The following TEX10 variants were observed in gnomAD, a reference collection of about 807,000 sequenced individuals.
TEX10 encodes the protein testis expressed 10, also known as testis-expressed protein 10.
A neutral mutation model predicts 104.4 loss-of-function variants in TEX10; 24 were observed. That is an observed-to-expected ratio of 0.23 (90% CI 0.17 to 0.32). TEX10 has a LOEUF of 0.32. TEX10 is among the 10% of genes least tolerant of loss of function. TEX10 has a pLI of 1.00. For synonymous variants in TEX10, 396 were observed against 393.4 expected (o/e 1.01, Z -0.08); for missense variants, 921 against 1,083.9 (o/e 0.85, Z 2.11).
chr9:100,303,060 T>G (rs888923781), intron 14 of TEX10, among the ~76,000 whole-genome samples: 8 of 152,162 alleles, frequency 5.3e-5, no homozygotes, highest in African/African-American at 1.4e-4. Context: ...TTTCTTACTT[T>G]AGAGTGAACT....
chr9:100,334,004 A>C (rs1834942096), intron 5 of TEX10, among the ~76,000 whole-genome samples: 1 of 152,206 alleles, frequency 6.6e-6, no homozygotes, highest in Non-Finnish European at 1.5e-5. Flanking sequence ...GAAGAGATAA[A>C]AGATTAAAAA....
intron 5 of TEX10, among the ~76,000 whole-genome samples, chr9:100,332,876 T>G (rs1181030929): frequency 6.6e-6 from 1 of 151,548 alleles, no homozygotes; most frequent in East Asian, 1.9e-4. Flanking sequence ...GCACTCAAGG[T>G]TTAGTCCTGA....
At position 100,321,684 on chromosome 9, in the gene TEX10, T is replaced by C; in HGVS notation, c.2067A>G (p.Thr689=). The change falls in exon 10 of 15, where the codon ACA becomes ACG. Residue 689 remains threonine (T), a splice_region_variant and synonymous_variant. Transcript: ENST00000374902. ...DYFSFLFSTL[T]GFSKEELTWL... ...AATCTGGCAAGTGAATGTGGTTACC[T>C]GTAAGTGTGGAAAATAAGAAGCTGA... 8 of 1,610,216 alleles carry C rather than the reference T, an allele frequency of 5.0e-6. No homozygotes were observed. Among genetic ancestry groups the C allele is most frequent in the South Asian group, 1.1e-5 (1 of 90,900 alleles).
At chr9:100,333,636 T>TA (rs60509628) in intron 5 of TEX10, among the ~76,000 whole-genome samples, 1,786 of 109,714 alleles carry the variant, frequency 0.016, 16 homozygotes, top group Non-Finnish European at 0.022. Flanking sequence ...GACCCCATCA[T>TA]AAAAAAAAAA....
intron 5 of TEX10, among the ~76,000 whole-genome samples, chr9:100,338,284 GTT>G (rs1405643285): frequency 6.6e-6 from 1 of 152,208 alleles, no homozygotes; most frequent in East Asian, 1.9e-4. Context: ...CCAGTTTGTA[GTT>G]TTTCTGACAC....
At chr9:100,325,051 T>C (rs1358159470) in intron 9 of TEX10, among the ~76,000 whole-genome samples, 2 of 152,230 alleles carry the variant, frequency 1.3e-5, no homozygotes, top group Non-Finnish European at 2.9e-5. Flanking sequence ...TTTATTTATA[T>C]GTTTTTCTCT....
In TEX10 at chr9:100,352,797, GAGAAGCCCGAGAAGACAAGCGAGGGAGC is replaced by G; in HGVS notation, c.-63_-36del. ...CTGAGGACCCGGCCGCGGCCGGGGC[GAGAAGCCCGAGAAGACAAGCGAGGGAGC>G]AGAAGCCCACGGGGCAACAGCGTGC... On this transcript the variant is annotated 5_prime_UTR_variant, in exon 1 of 15. Transcript: ENST00000374902. 3 of 1,062,550 alleles carry G rather than the reference GAGAAGCCCGAGAAGACAAGCGAGGGAGC, an allele frequency of 2.8e-6. No individual in the cohort carries two copies. In the South Asian group the frequency reaches 1.2e-4, roughly 41 times the overall value. The allele number at this position is 1,062,550 out of a possible 1,614,324, so 65.8% of individuals were successfully genotyped here.
intron 10 of TEX10, 119 bp from the exon 11 acceptor site, chr9:100,320,517 T>G: frequency 9.1e-7 from 1 of 1,097,752 alleles, no homozygotes; most frequent in East Asian, 2.6e-5. Flanking sequence ...TACCTTGTTT[T>G]CTCTGAGCTT....
chr9:100,338,444 T>TA lies in TEX10; in HGVS notation c.1250+1812dup, dbSNP rs1835067619. ...TGAGGAGCATACCCTTCTGAGAGGT[T>TA]AGAGTTTTGGCTCCCTTCCTCCAAG... is the stretch of plus-strand genomic sequence containing the variant. On this transcript the variant is annotated intron_variant, in intron 5 of 14. Coordinates refer to ENST00000374902, the MANE Select transcript of TEX10 (RefSeq NM_017746.4). 2.0e-5 allele frequency among the ~76,000 whole-genome samples: 3 copies of TA among 152,210 alleles called. No individual in the cohort carries two copies. The South Asian group carries it at 6.2e-4, about 32-fold the overall frequency.
At chr9:100,331,159 G>T (rs932423825) in intron 5 of TEX10, among the ~76,000 whole-genome samples, 1 of 152,224 alleles carries the variant, frequency 6.6e-6, no homozygotes, top group Non-Finnish European at 1.5e-5. Context: ...TACTTGGGAG[G>T]CTGAGGCAGG....
In TEX10 at chr9:100,346,305, C is replaced by T. The variant is rs1835297224; in HGVS notation, c.904G>A (p.Gly302Arg). Residue 302 changes from glycine (G) to arginine (R), a missense_variant, in exon 4 of 15, where the codon GGA becomes AGA. By Grantham distance (125) the Gly-to-Arg change is moderately radical. This residue lies in a region of TEX10 where 753 missense variants were observed against 868.4 expected (regional missense o/e 0.87). Coordinates refer to ENST00000374902, the MANE Select transcript of TEX10 (RefSeq NM_017746.4). ...SSQFRLRYLV[G>R]GLSGVDEGLS... ...CCTTCATCCACACCACTCAGTCCTC[C>T]AACCAGATACCTAATAAGGGTAAGA... 2.5e-6 allele frequency: 4 copies of T among 1,612,654 alleles called. No homozygotes were observed. The South Asian group carries it at 4.4e-5, about 18-fold the overall frequency.
chr9:100,338,614 G>A (rs1564216980), intron 5 of TEX10, among the ~76,000 whole-genome samples: 1 of 152,118 alleles, frequency 6.6e-6, no homozygotes, highest in Non-Finnish European at 1.5e-5. Context: ...CTGTCGGCCA[G>A]GCACGGTAGC....
rs1835311588 is a variant in TEX10 at position 100,346,830 on chromosome 9, C to G, written c.757G>C (p.Glu253Gln). ...SRLRESEGLQ[E>Q]QKENPHATSN... ...GTGGCATGGGGATTTTCTTTCTGTT[C>G]CTGAAGTCCTTCACTTTCTCTCAAC... The change falls in exon 3 of 15, where the codon GAA (glutamate) becomes CAA (glutamine). Residue 253 changes from glutamate to glutamine, a missense_variant. Coordinates refer to ENST00000374902, the MANE Select transcript of TEX10 (RefSeq NM_017746.4). 1.2e-6 allele frequency: 2 copies of G among 1,613,994 alleles called. No homozygotes were observed. The highest frequency in any genetic ancestry group is 1.7e-6 in the Non-Finnish European group (2 of 1,180,022).
rs566268070 is a variant in TEX10 at position 100,351,382 on chromosome 9, A to G, written c.-10+1390T>C. On this transcript the variant is annotated intron_variant, in intron 1 of 14. Coordinates refer to ENST00000374902, the MANE Select transcript of TEX10 (RefSeq NM_017746.4). ...TAGTCTTAAAAAACAAAACAAAACAAAAAAAAAAGCTGGGGGTCGGTGGGT... is the reference window on the plus strand; with the variant it reads ...TAGTCTTAAAAAACAAAACAAAACAGAAAAAAAAGCTGGGGGTCGGTGGGT... Among the ~76,000 whole-genome samples, 456 of 141,540 alleles carry G rather than the reference A, an allele frequency of 3.2e-3. 16 individuals are homozygous for G. Among genetic ancestry groups the G allele is most frequent in the African/African-American group, 0.011 (428 of 37,586 alleles). 92.9% of individuals were successfully genotyped at this position (141,540 alleles called of 152,430 possible).
Position 100,346,747 on chromosome 9 carries a change from C to G in TEX10, c.840G>C (p.Gln280His), listed in dbSNP as rs746434441. Residue 280 changes from glutamine (Q) to histidine (H), a missense_variant, in exon 3 of 15, where the codon CAG (glutamine) becomes CAC (histidine). Gln to His is a conservative substitution (Grantham distance 24). Coordinates refer to ENST00000374902, the MANE Select transcript of TEX10 (RefSeq NM_017746.4). ...KEHANDQQHIQVYENGGSQPN... is the reference protein window; with the variant it reads ...KEHANDQQHIHVYENGGSQPN... ...GCTGTGAACCCCCATTTTCATAAAC[C>G]TGGATGTGTTGCTGGTCGTTGGCAT... 25 of 1,614,006 alleles carry G rather than the reference C, an allele frequency of 1.5e-5. No individual in the cohort carries two copies. The Admixed American group carries it at 4.0e-4, about 26-fold the overall frequency.
At chr9:100,352,022 T>TCTC (rs10625918) in intron 1 of TEX10, among the ~76,000 whole-genome samples, 70 of 151,716 alleles carry the variant, frequency 4.6e-4, no homozygotes, top group Non-Finnish European at 8.1e-4. Context: ...GTAGGTCTTT[T>TCTC]CTAATTCCAA....
intron 1 of TEX10, 108 bp downstream of exon 1, chr9:100,352,652 GGACGCAAATCGT>G: frequency 2.8e-6 from 4 of 1,432,726 alleles, no homozygotes; most frequent in Non-Finnish European, 3.6e-6. Flanking sequence ...CAGACCCGGG[GGACGCAAATCGT>G]GCACGGCCGA....
In TEX10 at chr9:100,320,495, C is replaced by T; in HGVS notation, c.2069-97G>A. ...GAGATGACATATGCCTTCAAGTGAA[C>T]ATTCTTTAAGCTACCTTGTTTTCTC... On this transcript the variant is annotated intron_variant, in intron 10 of 14. Coordinates refer to ENST00000374902, the MANE Select transcript of TEX10 (RefSeq NM_017746.4). 3 of 1,334,044 alleles carry T rather than the reference C, an allele frequency of 2.2e-6. No homozygotes were observed. The Admixed American group carries it at 8.5e-5, about 38-fold the overall frequency. The allele number at this position is 1,334,044 out of a possible 1,614,324, so 82.6% of individuals were successfully genotyped here.
At chr9:100,319,405 T>G (rs1003765743) in intron 11 of TEX10, among the ~76,000 whole-genome samples, 1 of 151,592 alleles carries the variant, frequency 6.6e-6, no homozygotes, top group Non-Finnish European at 1.5e-5. Flanking sequence ...ACTGAAGTAT[T>G]GGACAAATAC....
Sources: gnomAD v4.1 joint callset for allele counts (sites outside exome capture counted in the v4.1 genomes callset) on GRCh38, gnomAD v4.1.1 for gene constraint, gnomAD v4.1.1 regional missense constraint, MANE v1.5 for transcripts, NCBI Gene and HGNC (gene_info 2026-07-23, HGNC 2026-07-21) for gene names.